USP30: variants seen among roughly 807,000 people sequenced by gnomAD.
USP30 encodes ubiquitin carboxyl-terminal hydrolase 30.
In USP30, 41 loss-of-function variants were observed where a neutral mutation model predicts 68.2. The ratio of observed to expected loss-of-function variants is 0.60; its 90% CI spans 0.47 to 0.78. The LOEUF is 0.78. Among genes scored for constraint, USP30 ranks in the 30% least tolerant of loss-of-function variants. The pLI, the probability that USP30 is intolerant of heterozygous loss-of-function variation, is 0.00. For synonymous variants in USP30, 229 were observed against 253.7 expected, an observed-to-expected ratio of 0.90 and a Z score of 0.93; for missense variants, 522 against 649.4, an observed-to-expected ratio of 0.80 and a Z score of 2.13.
At chr12:109,054,426 CA>C (rs1334649676) in intron 1 of USP30, among the ~76,000 whole-genome samples, 3 of 151,766 alleles carry the variant, frequency 2.0e-5, no homozygotes, top group African/African-American at 7.3e-5. Context: ...GAGGCTGAGG[CA>C]GGAGGATCAC....
chr12:109,078,061 G>A (rs2041665114), intron 7 of USP30, among the ~76,000 whole-genome samples: 1 of 152,132 alleles, frequency 6.6e-6, no homozygotes, highest in Non-Finnish European at 1.5e-5. Context: ...ATACCTGGAA[G>A]TGGTATTGCT....
At chr12:109,081,454 C>T (rs536270567) in intron 8 of USP30, 61 bp downstream of exon 8, 1 of 1,571,752 alleles carries the variant, frequency 6.4e-7, no homozygotes, top group African/African-American at 1.3e-5. Context: ...TCTGAAAGGG[C>T]TTTGAGGCAT....
chr12:109,082,634 G>C lies in USP30; in HGVS notation c.868-29G>C, dbSNP rs749898388. ...CCAAAGCTGTCCTATTTTAGGCATT[G>C]CTGCAGAGAAATGTTCCTTTTATTT... On this transcript the variant is annotated intron_variant, in intron 9 of 12. Transcript: ENST00000257548. 4 of 1,610,332 alleles carry C rather than the reference G, an allele frequency of 2.5e-6. No homozygotes were observed. In the East Asian group the frequency reaches 8.9e-5, roughly 36 times the overall value.
intron 3 of USP30, among the ~76,000 whole-genome samples, chr12:109,042,614 T>C (rs534683327): frequency 3.2e-4 from 49 of 152,164 alleles, no homozygotes; most frequent in Non-Finnish European, 6.3e-4. Context: ...TTCCAATCCC[T>C]TATTATTAAA....
chr12:109,050,326 A>T (rs1332143770), upstream of USP30, among the ~76,000 whole-genome samples: 1 of 152,108 alleles, frequency 6.6e-6, no homozygotes, highest in Non-Finnish European at 1.5e-5. Context: ...AAAACAAGAT[A>T]TACCTATATA....
upstream of USP30, among the ~76,000 whole-genome samples, chr12:109,048,749 A>AAAAAG (rs2040630872): frequency 6.6e-6 from 1 of 151,864 alleles, no homozygotes; most frequent in African/African-American, 2.4e-5. Flanking sequence ...CAAAAAAAAA[A>AAAAAG]AAAACAAAAA....
At chr12:109,074,534 A>G (rs968278834) in intron 7 of USP30, among the ~76,000 whole-genome samples, 29 of 152,146 alleles carry the variant, frequency 1.9e-4, no homozygotes, top group Non-Finnish European at 1.5e-5. Context: ...CCTCACCCAC[A>G]TTTTGATGTC....
rs2040567017 is a variant in USP30 at position 109,041,779 on chromosome 12, G to A, written c.-135-5811G>A. Among the ~76,000 whole-genome samples, 3 of 152,176 alleles carry A rather than the reference G, an allele frequency of 2.0e-5. No homozygotes were observed. In the South Asian group the frequency reaches 6.2e-4, roughly 32 times the overall value. On this transcript the variant is annotated intron_variant, in intron 3 of 15. Transcript: ENST00000392784. ...CATTCCTTGAAGAGCTACTTTGGAA[G>A]GTCGAACTGTGAGTTTACTATTGTG...
At chr12:109,038,342 T>A (rs1399577268) in intron 3 of USP30, among the ~76,000 whole-genome samples, 1 of 152,094 alleles carries the variant, frequency 6.6e-6, no homozygotes, top group African/African-American at 2.4e-5. Context: ...ATCTCATTCA[T>A]TTTTATGGTT....
chr12:109,071,558 G>A, intron 4 of USP30, 54 bp from the exon 5 acceptor site: 1 of 1,522,088 alleles, frequency 6.6e-7, no homozygotes, highest in South Asian at 1.1e-5. Context: ...GGGTAGTTCT[G>A]ATCTTGCTCT....
chr12:109,057,537 T>C (rs1054178450), intron 2 of USP30, among the ~76,000 whole-genome samples: 3 of 152,190 alleles, frequency 2.0e-5, no homozygotes, highest in Middle Eastern at 3.2e-3. Flanking sequence ...AACAGAACAA[T>C]TGTTTTCTTC....
chr12:109,073,450 C>A lies in USP30; in HGVS notation c.638C>A (p.Pro213His). The stretch of plus-strand genomic sequence containing the variant: ...TTTTGCATTCCAGGGTCACCTCACC[C>A]TACATCCAATCACTGGAAGTCTCAA... ...ITCRTRGSPHPTSNHWKSQHP... is the reference protein window; with the variant it reads ...ITCRTRGSPHHTSNHWKSQHP... Residue 213 changes from proline to histidine, a missense_variant, in exon 7 of 13, where the codon CCT (proline) becomes CAT (histidine). Transcript: ENST00000257548. 1 of 1,613,902 alleles carries A rather than the reference C, an allele frequency of 6.2e-7. No homozygotes were observed. The highest frequency in any genetic ancestry group is 8.5e-7 in the Non-Finnish European group (1 of 1,179,790).
intron 12 of USP30, 45 bp from the exon 13 acceptor site, chr12:109,085,620 CTT>C (rs747270949): frequency 5.6e-6 from 9 of 1,598,254 alleles, no homozygotes; most frequent in East Asian, 2.2e-5. Flanking sequence ...CCTATAAAGT[CTT>C]TTTGTTAAAA....
chr12:109,074,665 T>C (rs1279992067), intron 7 of USP30, among the ~76,000 whole-genome samples: 3 of 152,204 alleles, frequency 2.0e-5, no homozygotes, highest in African/African-American at 4.8e-5. Flanking sequence ...ATAAAAATTG[T>C]ATATATTTAG....
chr12:109,079,339 C>CTTTTTTTTTTTTTTTTTTTTTTTT (rs750712233), intron 7 of USP30, among the ~76,000 whole-genome samples: 3 of 62,246 alleles, frequency 4.8e-5, no homozygotes, highest in South Asian at 6.2e-4. Flanking sequence ...TTTTCTTTTT[C>CTTTTTTTTTTTTTTTTTTTTTTTT]TTTTTTTTTT....
intron 1 of USP30, chr12:109,054,173 T>C (rs2040766198): frequency 2.4e-6 from 1 of 413,500 alleles, no homozygotes; most frequent in Non-Finnish European, 4.8e-6. Flanking sequence ...CCAGGCACTT[T>C]TGTGAACTCA....
intron 5 of USP30, 21 bp from the exon 6 acceptor site, chr12:109,072,284 T>G (rs756358064): frequency 1.2e-6 from 2 of 1,606,752 alleles, no homozygotes; most frequent in East Asian, 2.2e-5. Context: ...TCAGTCTGTT[T>G]TTTTTTTTTC....
At chr12:109,037,675 A>C (rs951316828) in intron 3 of USP30, among the ~76,000 whole-genome samples, 1 of 152,202 alleles carries the variant, frequency 6.6e-6, no homozygotes, top group Non-Finnish European at 1.5e-5. Context: ...GAAAACTCAG[A>C]TAGCTTAGTG....
chr12:109,061,686 G>A (rs896311508), intron 3 of USP30, among the ~76,000 whole-genome samples: 1 of 151,708 alleles, frequency 6.6e-6, no homozygotes, highest in African/African-American at 2.4e-5. Context: ...CTGGGATTGC[G>A]GACATGAGCC....
Sources: gnomAD v4.1 joint callset for allele counts (sites outside exome capture counted in the v4.1 genomes callset) on GRCh38, gnomAD v4.1.1 for gene constraint, MANE v1.5 for transcripts, NCBI Gene and HGNC (gene_info 2026-07-23, HGNC 2026-07-21) for gene names.